Variants in RIC8B observed in about 807,000 individuals in gnomAD.
RIC8B encodes the protein RIC8 guanine nucleotide exchange factor B.
In RIC8B, 16 loss-of-function variants were observed where a neutral mutation model predicts 57.5. That is an observed-to-expected ratio of 0.28 (90% CI 0.19 to 0.42). The LOEUF (loss-of-function observed/expected upper bound fraction) is 0.42. RIC8B is among the 10% of genes least tolerant of loss of function. The probability of loss-of-function intolerance (pLI) is 1.00; values close to 1 mark genes in which losing one functional copy is unlikely to be tolerated. For missense variants in RIC8B, 481 were observed against 677.0 expected (o/e 0.71, Z 3.21); for synonymous variants, 216 against 250.8 (o/e 0.86, Z 1.31).
intron 3 of RIC8B, 110 bp downstream of exon 3, chr12:106,815,414 C>T (rs1253026081): frequency 4.4e-6 from 5 of 1,124,194 alleles, no homozygotes; most frequent in Admixed American, 2.3e-5. Flanking sequence ...AAAGTTCCCA[C>T]TTCTCCCATT....
At chr12:106,831,659 G>C (rs565426651) in intron 4 of RIC8B, among the ~76,000 whole-genome samples, 1 of 152,344 alleles carries the variant, frequency 6.6e-6, no homozygotes, top group African/African-American at 2.4e-5. Context: ...CTTTCAACAA[G>C]ACTTCAGGGC....
chr12:106,864,513 A>G (rs1302060600), intron 8 of RIC8B, among the ~76,000 whole-genome samples: 3 of 152,172 alleles, frequency 2.0e-5, no homozygotes, highest in African/African-American at 7.2e-5. Context: ...TATAGATGAG[A>G]AAACTAAAGG....
intron 8 of RIC8B, among the ~76,000 whole-genome samples, chr12:106,866,524 C>G (rs80027005): frequency 0.016 from 2,404 of 152,184 alleles, 32 homozygotes; most frequent in Non-Finnish European, 0.022. Context: ...CCCGCCTGTC[C>G]CCTTCTTTCC....
intron 3 of RIC8B, among the ~76,000 whole-genome samples, chr12:106,818,488 G>A (rs1355458701): frequency 6.6e-6 from 1 of 151,740 alleles, no homozygotes; most frequent in Non-Finnish European, 1.5e-5. Context: ...AAAGAACAGG[G>A]TCTTGTCTGT....
chr12:106,824,038 C>T (rs532122791), intron 3 of RIC8B, among the ~76,000 whole-genome samples: 1 of 152,278 alleles, frequency 6.6e-6, no homozygotes, highest in African/African-American at 2.4e-5. Flanking sequence ...AATGGGACAA[C>T]ATTCATTCCA....
At chr12:106,814,405 C>G (rs1358536360) in intron 2 of RIC8B, among the ~76,000 whole-genome samples, 1 of 152,102 alleles carries the variant, frequency 6.6e-6, no homozygotes, top group East Asian at 1.9e-4. Flanking sequence ...AGCAGAAATG[C>G]ATACTTCTTT....
At chr12:106,793,526 G>A (rs891813617) in intron 2 of RIC8B, among the ~76,000 whole-genome samples, 1 of 152,236 alleles carries the variant, frequency 6.6e-6, no homozygotes, top group South Asian at 2.1e-4. Flanking sequence ...GATTGCTAGA[G>A]TGAAAGGAGG....
Position 106,879,067 on chromosome 12 carries a change from G to C in RIC8B, c.1572-6837G>C. On this transcript the variant is annotated intron_variant, in intron 9 of 9. Transcript: ENST00000392837. The surrounding 1 kb of genome is among the most constrained non-coding windows in gnomAD (Gnocchi z 4.9). ...GAAAGAAGAGCCCTTGAAAACAAGG[G>C]AATGATTTTTGAGTCGTTATCAAGC... The C allele has an allele frequency of 1.0e-6, 1 of 985,740 alleles. No homozygotes were observed. Among genetic ancestry groups the C allele is most frequent in the Non-Finnish European group, 1.2e-6 (1 of 829,910 alleles). The allele number at this position is 985,740 out of a possible 1,614,324, so 61.1% of individuals were successfully genotyped here. A position where few individuals can be genotyped will look rare whatever the true frequency, so the allele number is the denominator to read the frequency against.
At chr12:106,851,339 TC>T in intron 6 of RIC8B, 110 bp from the exon 7 acceptor site, 1 of 302,506 alleles carries the variant, frequency 3.3e-6, no homozygotes, top group East Asian at 5.7e-5. Context: ...TTTTTTTTGC[TC>T]CTACAATACA....
intron 1 of RIC8B, among the ~76,000 whole-genome samples, chr12:106,781,920 G>A (rs2043780075): frequency 1.3e-5 from 2 of 151,926 alleles, no homozygotes; most frequent in Admixed American, 1.3e-4. Flanking sequence ...CTGATATCTG[G>A]CACTTTTAAG....
chr12:106,866,794 T>G (rs1295807484), intron 8 of RIC8B, among the ~76,000 whole-genome samples: 1 of 152,162 alleles, frequency 6.6e-6, no homozygotes, highest in African/African-American at 2.4e-5. Context: ...TGTTAACATA[T>G]CCCATAGATA....
chr12:106,875,955 T>TA (rs1414814318), intron 9 of RIC8B, among the ~76,000 whole-genome samples: 1 of 151,820 alleles, frequency 6.6e-6, no homozygotes, highest in Non-Finnish European at 1.5e-5. Flanking sequence ...AGTTTTTTCT[T>TA]AAAAATAAGT....
chr12:106,810,427 A>G (rs1158687175), intron 2 of RIC8B, among the ~76,000 whole-genome samples: 1 of 152,194 alleles, frequency 6.6e-6, no homozygotes, highest in African/African-American at 2.4e-5. Context: ...GAGAGCTTTT[A>G]GTAGTTGAGG....
Position 106,808,460 on chromosome 12 carries a change from G to A in RIC8B, c.133-6236G>A, listed in dbSNP as rs116159714. 3.1e-3 allele frequency among the ~76,000 whole-genome samples: 467 copies of A among 152,282 alleles called. 3 individuals are homozygous for A. Among genetic ancestry groups the A allele is most frequent in the African/African-American group, 0.011 (437 of 41,556 alleles). Reference sequence around the variant, plus strand: ...TACAAAGGATAAGAAATGTGGTCTAGAACAGTGCTTCTCAAATTATTTGAG... The same window carrying A: ...TACAAAGGATAAGAAATGTGGTCTAAAACAGTGCTTCTCAAATTATTTGAG... On this transcript the variant is annotated intron_variant, in intron 2 of 9. Coordinates refer to ENST00000392837, the MANE Select transcript of RIC8B (RefSeq NM_001330145.2).
chr12:106,791,673 C>G (rs1336009665), intron 2 of RIC8B, among the ~76,000 whole-genome samples: 6 of 152,162 alleles, frequency 3.9e-5, no homozygotes, highest in African/African-American at 1.2e-4. Flanking sequence ...TCAGTAAATC[C>G]TGTATTCCTG....
intron 9 of RIC8B, among the ~76,000 whole-genome samples, chr12:106,880,931 T>C (rs952120374): frequency 6.6e-6 from 1 of 152,212 alleles, no homozygotes; most frequent in Non-Finnish European, 1.5e-5. Flanking sequence ...AAAGTGAATG[T>C]GTACCCAGAG....
chr12:106,846,820 T>G (rs896851689), intron 6 of RIC8B, among the ~76,000 whole-genome samples: 4 of 152,066 alleles, frequency 2.6e-5, no homozygotes, highest in African/African-American at 9.7e-5. Flanking sequence ...ACCCACTGTC[T>G]GTCTTCAAGA....
intron 4 of RIC8B, among the ~76,000 whole-genome samples, chr12:106,832,429 G>A (rs752689998): frequency 2.0e-5 from 3 of 152,042 alleles, no homozygotes; most frequent in East Asian, 1.9e-4. Context: ...TTAGATGGGC[G>A]GGTGGTGGGC....
At chr12:106,811,968 T>G (rs1468793913) in intron 2 of RIC8B, among the ~76,000 whole-genome samples, 2 of 152,218 alleles carry the variant, frequency 1.3e-5, no homozygotes, top group African/African-American at 4.8e-5. Context: ...CACTTTTATT[T>G]GTTTCTAATA....
Sources: allele counts gnomAD v4.1 joint callset (sites outside exome capture counted in the v4.1 genomes callset), GRCh38; gene constraint gnomAD v4.1.1; non-coding constraint Gnocchi (gnomAD v3.1); transcripts MANE v1.5; gene names NCBI Gene and HGNC (gene_info 2026-07-23, HGNC 2026-07-21).